RABGAP1L: variants seen among roughly 807,000 people sequenced by gnomAD.
RABGAP1L encodes RAB GTPase activating protein 1 like, also known as rab GTPase-activating protein 1-like.
Under a neutral mutation model 137.7 loss-of-function variants are expected in RABGAP1L, and 63 were observed. The ratio of observed to expected loss-of-function variants is 0.46; its 90% CI spans 0.37 to 0.56. The LOEUF (loss-of-function observed/expected upper bound fraction) is 0.56. RABGAP1L is among the 20% of genes least tolerant of loss of function. The probability of loss-of-function intolerance (pLI) is 0.00; values close to 1 mark genes in which losing one functional copy is unlikely to be tolerated. For missense variants in RABGAP1L, 1,095 were observed against 1,244.0 expected (o/e 0.88, Z 1.80); for synonymous variants, 431 against 433.7 (o/e 0.99, Z 0.08).
Position 174,630,794 on chromosome 1 carries a change from T to C in RABGAP1L, c.1711-6581T>C, listed in dbSNP as rs1321166577. On this transcript the variant is annotated intron_variant, in intron 13 of 25. Coordinates refer to ENST00000681986, the MANE Select transcript of RABGAP1L (RefSeq NM_001366446.1). ...TGATTCTTCTCTCTTTTTTTCTTTA[T>C]TAGTCTTGCTAGTGGTCTATCAATT... Among the ~76,000 whole-genome samples the C allele has an allele frequency of 1.5e-4, 21 of 144,570 alleles. 1 individual carries two copies. In the East Asian group the frequency reaches 4.7e-3, roughly 32 times the overall value. 94.8% of individuals were successfully genotyped at this position (144,570 alleles called of 152,430 possible).
At chr1:174,781,866 A>G (rs961101798) in intron 18 of RABGAP1L, among the ~76,000 whole-genome samples, 1 of 152,176 alleles carries the variant, frequency 6.6e-6, no homozygotes, top group African/African-American at 2.4e-5. Flanking sequence ...GTCAAAGATC[A>G]GATGGTTGTA....
chr1:174,170,489 A>G (rs1035297843), intron 1 of RABGAP1L, among the ~76,000 whole-genome samples: 3 of 151,954 alleles, frequency 2.0e-5, no homozygotes, highest in African/African-American at 7.3e-5. Flanking sequence ...CATCCTGGCC[A>G]CATGGTGAAA....
chr1:174,881,492 C>CTTTTTTTTTTTT (rs751296977), intron 19 of RABGAP1L, among the ~76,000 whole-genome samples: 1 of 85,864 alleles, frequency 1.2e-5, no homozygotes, highest in Non-Finnish European at 2.1e-5. Context: ...ATATCATTTG[C>CTTTTTTTTTTTT]TTTTTTTTTT....
At chr1:174,254,334 T>A (rs1449142796) in intron 7 of RABGAP1L, among the ~76,000 whole-genome samples, 1 of 152,214 alleles carries the variant, frequency 6.6e-6, no homozygotes, top group Non-Finnish European at 1.5e-5. Context: ...TGGCATTTTT[T>A]AAATACTTTA....
intron 5 of RABGAP1L, 138 bp downstream of exon 5, chr1:174,241,795 C>CT (rs1671849423): frequency 1.3e-6 from 1 of 798,536 alleles, no homozygotes; most frequent in Non-Finnish European, 1.9e-6. Context: ...TTTGTAATGA[C>CT]ATAGAACTGA....
chr1:174,488,044 T>C (rs557849982), intron 13 of RABGAP1L, among the ~76,000 whole-genome samples: 2 of 152,318 alleles, frequency 1.3e-5, no homozygotes, highest in East Asian at 3.9e-4. Flanking sequence ...TTCTATTTAA[T>C]ATAAGAGAAG....
chr1:174,724,710 A>G (rs985456807), intron 17 of RABGAP1L, among the ~76,000 whole-genome samples: 2 of 152,214 alleles, frequency 1.3e-5, no homozygotes, highest in African/African-American at 4.8e-5. Flanking sequence ...TATAGTGCTA[A>G]TACACTAATG....
intron 19 of RABGAP1L, among the ~76,000 whole-genome samples, chr1:174,826,654 G>A (rs757798542): frequency 8.5e-5 from 13 of 152,148 alleles, no homozygotes; most frequent in Non-Finnish European, 1.5e-4. Flanking sequence ...TTTCCTCTGC[G>A]TGTATACCCA....
intron 14 of RABGAP1L, among the ~76,000 whole-genome samples, chr1:174,680,416 C>T (rs774518060): frequency 3.3e-5 from 5 of 152,200 alleles, no homozygotes; most frequent in African/African-American, 4.8e-5. Flanking sequence ...AACCGACCCT[C>T]ATCAGACTGA....
intron 13 of RABGAP1L, among the ~76,000 whole-genome samples, chr1:174,619,994 C>G (rs958539704): frequency 6.6e-6 from 1 of 152,150 alleles, no homozygotes; most frequent in African/African-American, 2.4e-5. Flanking sequence ...CAATCCTAGT[C>G]TCTGATAAAA....
intron 20 of RABGAP1L, 82 bp downstream of exon 20, chr1:174,957,631 G>T: frequency 8.0e-7 from 1 of 1,252,258 alleles, no homozygotes; most frequent in Non-Finnish European, 1.1e-6. Flanking sequence ...TGCCCAGGCT[G>T]GTCTTGAACA....
At chr1:174,620,774 T>G (rs900369718) in intron 13 of RABGAP1L, among the ~76,000 whole-genome samples, 1 of 151,554 alleles carries the variant, frequency 6.6e-6, no homozygotes, top group African/African-American at 2.4e-5. Flanking sequence ...AGGCAAAATA[T>G]AACTAAGATC....
chr1:174,695,539 T>C (rs1381549085), intron 15 of RABGAP1L, among the ~76,000 whole-genome samples: 1 of 152,208 alleles, frequency 6.6e-6, no homozygotes, highest in African/African-American at 2.4e-5. Flanking sequence ...GTCATTGAGC[T>C]TCCTCAAAGT....
intron 13 of RABGAP1L, among the ~76,000 whole-genome samples, chr1:174,426,507 T>C (rs1651980587): frequency 6.6e-6 from 1 of 152,056 alleles, no homozygotes; most frequent in African/African-American, 2.4e-5. Context: ...TGATAAAATA[T>C]TGGGGAGTTG....
At chr1:174,929,323 T>C (rs985815740) in intron 19 of RABGAP1L, among the ~76,000 whole-genome samples, 6 of 152,204 alleles carry the variant, frequency 3.9e-5, no homozygotes, top group Admixed American at 1.3e-4. Flanking sequence ...GGAAATTGTC[T>C]GAGATGCCAC....
chr1:174,643,725 C>T (rs978233319), intron 14 of RABGAP1L, among the ~76,000 whole-genome samples: 1 of 152,068 alleles, frequency 6.6e-6, no homozygotes, highest in African/African-American at 2.4e-5. Flanking sequence ...ATATTAATCT[C>T]TTAGAGTCAG....
At chr1:174,276,450 T>C (rs2148671900) in intron 9 of RABGAP1L, among the ~76,000 whole-genome samples, 2 of 152,290 alleles carry the variant, frequency 1.3e-5, no homozygotes, top group East Asian at 3.9e-4. Context: ...TGGCCTGAAT[T>C]AATTTTATTA....
At chr1:174,565,884 A>ATTT (rs776033808) in intron 13 of RABGAP1L, among the ~76,000 whole-genome samples, 25 of 132,758 alleles carry the variant, frequency 1.9e-4, no homozygotes, top group South Asian at 2.4e-4. Context: ...AATCCTTTAC[A>ATTT]TTTTTTTTTT....
At chr1:174,523,692 A>G (rs746431313) in intron 13 of RABGAP1L, among the ~76,000 whole-genome samples, 1 of 152,290 alleles carries the variant, frequency 6.6e-6, no homozygotes, top group African/African-American at 2.4e-5. Flanking sequence ...GTTGTTAACT[A>G]TAGTCAGTGT....
Sources: gnomAD v4.1 joint callset for allele counts (sites outside exome capture counted in the v4.1 genomes callset) on GRCh38, gnomAD v4.1.1 for gene constraint, MANE v1.5 for transcripts, NCBI Gene and HGNC (gene_info 2026-07-23, HGNC 2026-07-21) for gene names.